Variants in TENM2 observed in about 807,000 individuals in gnomAD.
The protein encoded by TENM2 is teneurin-2.
A neutral mutation model predicts 245.2 loss-of-function variants in TENM2; 52 were observed. The observed-to-expected ratio is 0.21, with a 90% CI of 0.17 to 0.27. TENM2 has a LOEUF of 0.27. TENM2 is among the 10% of genes least tolerant of loss of function. The pLI is 1.00. For missense variants in TENM2, 3,046 were observed against 3,666.8 expected (o/e 0.83, Z 4.37); for synonymous variants, 1,363 against 1,438.9 (o/e 0.95, Z 1.19).
chr5:167,417,251 C>T (rs1268714241), intron 2 of TENM2, among the ~76,000 whole-genome samples: 1 of 152,160 alleles, frequency 6.6e-6, no homozygotes, highest in Admixed American at 6.5e-5. Context: ...TCCTCCTTCA[C>T]CTTCCAAGTC....
chr5:167,546,977 A>G (rs1373802250), intron 2 of TENM2, among the ~76,000 whole-genome samples: 2 of 152,218 alleles, frequency 1.3e-5, no homozygotes, highest in South Asian at 2.1e-4. Flanking sequence ...ATTGCCTGCA[A>G]TGATACATTC....
intron 3 of TENM2, among the ~76,000 whole-genome samples, chr5:167,899,706 G>A (rs890055094): frequency 2.0e-5 from 3 of 152,072 alleles, no homozygotes; most frequent in Admixed American, 1.3e-4. Context: ...AGTAGGTGCC[G>A]GAAATCTCTG....
the TENM2 span, among the ~76,000 whole-genome samples, chr5:167,125,658 T>C: frequency 6.6e-6 from 1 of 152,222 alleles, no homozygotes; most frequent in Non-Finnish European, 1.5e-5. Context: ...TACATAGATA[T>C]ATACACACGC....
intron 6 of TENM2, among the ~76,000 whole-genome samples, chr5:168,054,399 G>A (rs1192027081): frequency 6.6e-6 from 1 of 152,242 alleles, no homozygotes; most frequent in Non-Finnish European, 1.5e-5. Flanking sequence ...AGAACCCTCA[G>A]ATGGTTGTCC....
At chr5:167,146,913 GTA>G in the TENM2 span, among the ~76,000 whole-genome samples, 1 of 151,986 alleles carries the variant, frequency 6.6e-6, no homozygotes, top group Non-Finnish European at 1.5e-5. Context: ...AAAATATAGA[GTA>G]TTATTTTTAG....
exon 8 of TENM2, chr5:168,090,638 G>A (rs1027025030): frequency 1.2e-6 from 2 of 1,613,754 alleles, no homozygotes; most frequent in African/African-American, 1.3e-5. Flanking sequence ...CCCAGGGAAC[G>A]CCGGAGCATA....
At chr5:167,810,388 G>T (rs1262862719) in intron 2 of TENM2, among the ~76,000 whole-genome samples, 1 of 151,842 alleles carries the variant, frequency 6.6e-6, no homozygotes, top group African/African-American at 2.4e-5. Flanking sequence ...TCACTGTTTG[G>T]GTCCTTTTAT....
chr5:167,401,052 C>G (rs966667087), intron 2 of TENM2, among the ~76,000 whole-genome samples: 1 of 151,978 alleles, frequency 6.6e-6, no homozygotes, highest in East Asian at 1.9e-4. Flanking sequence ...GATTTTGCCA[C>G]TGCACTCCAG....
At chr5:168,112,680 C>T (rs1794777077) in intron 9 of TENM2, among the ~76,000 whole-genome samples, 1 of 148,792 alleles carries the variant, frequency 6.7e-6, no homozygotes, top group Non-Finnish European at 1.5e-5. Flanking sequence ...AGAAGGGAAA[C>T]TCACCTTTCT....
chr5:167,724,873 A>G (rs543350869), intron 2 of TENM2, among the ~76,000 whole-genome samples: 1 of 152,332 alleles, frequency 6.6e-6, no homozygotes, highest in Non-Finnish European at 1.5e-5. Flanking sequence ...AAGGGAGCTC[A>G]GAGACATAAG....
Position 167,680,571 on chromosome 5 carries a change from G to A in TENM2, c.503-195415G>A, listed in dbSNP as rs370676605. Among the ~76,000 whole-genome samples, 95 of 152,232 alleles carry A rather than the reference G, an allele frequency of 6.2e-4. No homozygotes were observed. In the South Asian group the frequency reaches 0.018, roughly 30 times the overall value. On this transcript the variant is annotated intron_variant, in intron 2 of 28. Transcript: ENST00000518659. ...CACGAGGAGATGCACAGTTTAGAAA[G>A]CTTAGTTTGGCCAAGGTGTGGAAAA...
chr5:167,687,455 T>A (rs946843838), intron 2 of TENM2, among the ~76,000 whole-genome samples: 2 of 152,296 alleles, frequency 1.3e-5, no homozygotes, highest in Middle Eastern at 3.4e-3. Flanking sequence ...CACATACATG[T>A]CCAACTTAGT....
chr5:167,166,792 A>AAT, the TENM2 span, among the ~76,000 whole-genome samples: 1 of 152,112 alleles, frequency 6.6e-6, no homozygotes, highest in South Asian at 2.1e-4. Flanking sequence ...ATAATATTAT[A>AAT]ATGTTCCATT....
chr5:167,250,105 G>C, the TENM2 span, among the ~76,000 whole-genome samples: 1 of 152,076 alleles, frequency 6.6e-6, no homozygotes, highest in Non-Finnish European at 1.5e-5. Context: ...CAATATGGCC[G>C]GTCCAAATGG....
the TENM2 span, among the ~76,000 whole-genome samples, chr5:167,266,404 G>A: frequency 6.6e-6 from 1 of 151,990 alleles, no homozygotes; most frequent in Non-Finnish European, 1.5e-5. Flanking sequence ...CCAAAATTTG[G>A]CTAATAAGGA....
At chr5:167,444,901 C>T (rs1765072052) in intron 2 of TENM2, among the ~76,000 whole-genome samples, 2 of 152,156 alleles carry the variant, frequency 1.3e-5, no homozygotes, top group African/African-American at 4.8e-5. Flanking sequence ...TTATTATACA[C>T]ATTTTCTCAT....
At chr5:168,091,182 G>A (rs965361135) in intron 8 of TENM2, among the ~76,000 whole-genome samples, 2 of 152,044 alleles carry the variant, frequency 1.3e-5, no homozygotes, top group African/African-American at 4.8e-5. Context: ...AACTACTGGC[G>A]ATTCACATCA....
At chr5:167,513,129 G>T (rs777519226) in intron 2 of TENM2, among the ~76,000 whole-genome samples, 1 of 152,040 alleles carries the variant, frequency 6.6e-6, no homozygotes, top group Non-Finnish European at 1.5e-5. Context: ...TGGGGTTTAG[G>T]CTATTTGTTG....
intron 2 of TENM2, among the ~76,000 whole-genome samples, chr5:167,529,059 T>C (rs1328871124): frequency 1.3e-5 from 2 of 152,326 alleles, no homozygotes; most frequent in South Asian, 4.1e-4. Flanking sequence ...ATGGTAAAGA[T>C]AATAATCAGT....
Sources: allele counts gnomAD v4.1 joint callset (sites outside exome capture counted in the v4.1 genomes callset), GRCh38; gene constraint gnomAD v4.1.1; transcripts MANE v1.5; gene names NCBI Gene and HGNC (gene_info 2026-07-23, HGNC 2026-07-21).